The following SLIT1 variants were observed in gnomAD, a reference collection of about 807,000 sequenced individuals.
SLIT1 encodes slit homolog 1 protein.
In SLIT1, 66 loss-of-function variants were observed where a neutral mutation model predicts 186.1. The observed-to-expected ratio is 0.35, with a 90% CI of 0.29 to 0.44. The LOEUF (loss-of-function observed/expected upper bound fraction) is 0.44. SLIT1 is among the 20% of genes least tolerant of loss of function. SLIT1 has a pLI of 1.00. For synonymous variants in SLIT1, 761 were observed against 833.8 expected (o/e 0.91, Z 1.50); for missense variants, 1,638 against 2,037.4 (o/e 0.80, Z 3.77).
At chr10:97,047,427 C>T (rs1489414739) in intron 16 of SLIT1, among the ~76,000 whole-genome samples, 1 of 152,204 alleles carries the variant, frequency 6.6e-6, no homozygotes, top group Non-Finnish European at 1.5e-5. Context: ...TTGAGAAAAG[C>T]CATCCCTGAT....
intron 2 of SLIT1, among the ~76,000 whole-genome samples, chr10:97,164,489 G>A (rs982526998): frequency 1.3e-5 from 2 of 152,154 alleles, no homozygotes; most frequent in Non-Finnish European, 2.9e-5. Flanking sequence ...CGTGCCCAGC[G>A]GCTTGTCAGC....
chr10:97,025,826 C>T (rs567031872), intron 25 of SLIT1, among the ~76,000 whole-genome samples: 5 of 152,276 alleles, frequency 3.3e-5, no homozygotes, highest in African/African-American at 7.2e-5. Context: ...AATAGCGCCC[C>T]CTGGCTGTCT....
intron 25 of SLIT1, among the ~76,000 whole-genome samples, chr10:97,029,198 G>T (rs1848570709): frequency 6.6e-6 from 1 of 152,230 alleles, no homozygotes; most frequent in African/African-American, 2.4e-5. Context: ...GTCTAAGATT[G>T]TTTGATGCAC....
chr10:97,058,892 T>A (rs1273842004), intron 11 of SLIT1, among the ~76,000 whole-genome samples: 1 of 152,188 alleles, frequency 6.6e-6, no homozygotes, highest in Non-Finnish European at 1.5e-5. Flanking sequence ...GGGAGGTGCT[T>A]CACTACCTTT....
intron 13 of SLIT1, among the ~76,000 whole-genome samples, chr10:97,056,055 A>T (rs1430169724): frequency 6.6e-6 from 1 of 152,236 alleles, no homozygotes; most frequent in Admixed American, 6.5e-5. Context: ...TAATCTCATA[A>T]CAACCCTATG....
At chr10:97,082,019 A>T (rs1335707069) in intron 4 of SLIT1, among the ~76,000 whole-genome samples, 1 of 152,248 alleles carries the variant, frequency 6.6e-6, no homozygotes, top group Non-Finnish European at 1.5e-5. Context: ...TAGCTCCTCT[A>T]TGAGCCTCAA....
At chr10:97,030,645 A>C (rs1399068559) in intron 25 of SLIT1, 112 bp downstream of exon 25, 2 of 884,570 alleles carry the variant, frequency 2.3e-6, no homozygotes, top group South Asian at 1.4e-5. Context: ...TCCCAAGCTT[A>C]ATTTCAGAGT....
chr10:97,025,128 G>C (rs1166894435), intron 25 of SLIT1, among the ~76,000 whole-genome samples: 1 of 152,054 alleles, frequency 6.6e-6, no homozygotes, highest in Non-Finnish European at 1.5e-5. Flanking sequence ...AAATTAGTTG[G>C]GCATGGTGAC....
At chr10:97,140,078 G>A (rs140853734) in intron 4 of SLIT1, among the ~76,000 whole-genome samples, 2 of 152,002 alleles carry the variant, frequency 1.3e-5, no homozygotes, top group South Asian at 2.1e-4. Flanking sequence ...TCCTCTTCCC[G>A]CCATCCCTCA....
At chr10:97,155,830 G>T (rs1193904116) in intron 4 of SLIT1, among the ~76,000 whole-genome samples, 5 of 152,210 alleles carry the variant, frequency 3.3e-5, no homozygotes, top group Admixed American at 1.3e-4. Context: ...AAGAATTTTT[G>T]CAGAAAGGCA....
chr10:97,169,912 G>A (rs1850165404), intron 1 of SLIT1, among the ~76,000 whole-genome samples: 1 of 152,232 alleles, frequency 6.6e-6, no homozygotes, highest in Admixed American at 6.5e-5. Flanking sequence ...GGCGGGATCA[G>A]ACCCCAGCCA....
chr10:97,009,995 T>C (rs1163014122), intron 31 of SLIT1, among the ~76,000 whole-genome samples: 1 of 152,234 alleles, frequency 6.6e-6, no homozygotes, highest in East Asian at 1.9e-4. Context: ...AAAAACAGTT[T>C]GGTAGTTCCT....
chr10:97,139,998 C>T (rs1849741617), intron 4 of SLIT1, among the ~76,000 whole-genome samples: 1 of 152,138 alleles, frequency 6.6e-6, no homozygotes, highest in Admixed American at 6.5e-5. Flanking sequence ...TGGCACTTAG[C>T]CTGAAGCTCC....
At chr10:97,096,490 A>C (rs1849291518) in intron 4 of SLIT1, among the ~76,000 whole-genome samples, 1 of 152,160 alleles carries the variant, frequency 6.6e-6, no homozygotes, top group Non-Finnish European at 1.5e-5. Flanking sequence ...GCTCTGATTG[A>C]AGCCGGGAGC....
intron 2 of SLIT1, among the ~76,000 whole-genome samples, 196 bp downstream of exon 2, chr10:97,164,623 C>T (rs547737742): frequency 2.0e-5 from 3 of 152,242 alleles, no homozygotes; most frequent in South Asian, 2.1e-4. Flanking sequence ...GAGCACAGGG[C>T]GACGGACCTT....
intron 4 of SLIT1, among the ~76,000 whole-genome samples, chr10:97,096,098 C>T (rs1019345128): frequency 5.3e-5 from 8 of 152,202 alleles, no homozygotes; most frequent in African/African-American, 1.9e-4. Context: ...CCCCTACCCC[C>T]TGCCTCTGCC....
chr10:97,002,458 A>G (rs571500042), intron 35 of SLIT1, 89 bp from the exon 36 acceptor site: 1 of 752,554 alleles, frequency 1.3e-6, no homozygotes, highest in East Asian at 3.4e-5. Context: ...AGCCCACCCC[A>G]CCCAGCCCTG....
At chr10:97,129,628 G>T (rs771281830) in intron 4 of SLIT1, among the ~76,000 whole-genome samples, 1 of 152,034 alleles carries the variant, frequency 6.6e-6, no homozygotes, top group Admixed American at 6.5e-5. Flanking sequence ...ATGCTGCTCC[G>T]CCATACCTTC....
chr10:97,091,288 C>T (rs768302452), intron 4 of SLIT1, among the ~76,000 whole-genome samples: 1 of 152,220 alleles, frequency 6.6e-6, no homozygotes, highest in Non-Finnish European at 1.5e-5. Flanking sequence ...GGCTTCTCCT[C>T]ATGTCTTTCC....
Sources: allele counts gnomAD v4.1 joint callset (sites outside exome capture counted in the v4.1 genomes callset), GRCh38; gene constraint gnomAD v4.1.1; transcripts MANE v1.5; gene names NCBI Gene and HGNC (gene_info 2026-07-23, HGNC 2026-07-21).